Variants in ADGRG2 observed in about 807,000 individuals in gnomAD.
ADGRG2 encodes adhesion G protein-coupled receptor G2.
In ADGRG2, 26 loss-of-function variants were observed where a neutral mutation model predicts 74.1. The observed-to-expected ratio is 0.35, with a 90% CI of 0.26 to 0.49. The LOEUF (loss-of-function observed/expected upper bound fraction) is 0.49. ADGRG2 is among the 20% of genes least tolerant of loss of function. ADGRG2 has a pLI of 0.99. For synonymous variants in ADGRG2, 296 were observed against 295.2 expected, an observed-to-expected ratio of 1.00 and a Z score of -0.03; for missense variants, 619 against 763.1, an observed-to-expected ratio of 0.81 and a Z score of 2.22.
chrX:19,082,573 A>T (rs1200880773), intron 2 of ADGRG2, 129 bp downstream of exon 2: 1 of 111,202 alleles, frequency 9.0e-6, no homozygotes, highest in Non-Finnish European at 1.9e-5. Flanking sequence ...CAAAACAAAC[A>T]AAAAAGAATA....
At position 19,029,085 on chromosome X, in the gene ADGRG2, T is replaced by G. The variant is rs139732164; in HGVS notation, c.359-847A>C. Among the ~76,000 whole-genome samples, 976 of 111,771 alleles carry G rather than the reference T, an allele frequency of 8.7e-3. 11 individuals are homozygous for G. The highest frequency in any genetic ancestry group is 0.03 in the African/African-American group (920 of 30,781). The stretch of plus-strand genomic sequence containing the variant: ...GAAGGCCTCCTCTTCTCATCATCTT[T>G]TATTGTACCCCAAAGTACAACAACT... On this transcript the variant is annotated intron_variant, in intron 9 of 28. Transcript: ENST00000379869.
chrX:19,099,171 G>A (rs994348602), intron 1 of ADGRG2, among the ~76,000 whole-genome samples: 3 of 109,943 alleles, frequency 2.7e-5, no homozygotes, highest in East Asian at 2.8e-4. Flanking sequence ...GCGATAGAGC[G>A]AGACTCCATC....
chrX:19,039,000 C>T (rs1014395768), intron 4 of ADGRG2, among the ~76,000 whole-genome samples: 3 of 111,765 alleles, frequency 2.7e-5, no homozygotes, highest in South Asian at 3.8e-4. Context: ...CTCAAAAACT[C>T]GTAAAAATAA....
At position 19,010,413 on chromosome X, in the gene ADGRG2, G is replaced by A. The variant is rs960198454; in HGVS notation, c.1265+200C>T. On this transcript the variant is annotated intron_variant, in intron 17 of 28. Coordinates refer to ENST00000379869, the MANE Select transcript of ADGRG2 (RefSeq NM_001079858.3). ...TGGGATTATAGGCATGAGCCACAAT[G>A]TCTGGCCTCAAGGTTGGTAGTGTAG... Among the ~76,000 whole-genome samples, 43 of 111,891 alleles carry A rather than the reference G, an allele frequency of 3.8e-4. 1 individual carries two copies. The highest frequency in any genetic ancestry group is 1.2e-3 in the African/African-American group (38 of 30,846).
chrX:19,006,641 C>G (rs2060238462), intron 20 of ADGRG2, among the ~76,000 whole-genome samples: 2 of 110,449 alleles, frequency 1.8e-5, no homozygotes, highest in South Asian at 7.7e-4. Flanking sequence ...TTAGTGTGAA[C>G]TGAGCTGAGA....
intron 15 of ADGRG2, among the ~76,000 whole-genome samples, chrX:19,015,401 ACAGT>A (rs1215958333): frequency 3.6e-5 from 4 of 112,457 alleles, no homozygotes; most frequent in African/African-American, 1.3e-4. Context: ...AGGGTGTCAG[ACAGT>A]CAGAAACATC....
chrX:19,030,575 C>T lies in ADGRG2; in HGVS notation c.358+409G>A, dbSNP rs191994401. 2.7e-5 allele frequency among the ~76,000 whole-genome samples: 3 copies of T among 112,149 alleles called. No homozygotes were observed. In the East Asian group the frequency reaches 8.3e-4, roughly 31 times the overall value. ...CTGATCCGCTTTATTCTTAGCAAGA[C>T]GTTATCCTGTTTCTAAGCTCTAATA... is the stretch of plus-strand genomic sequence containing the variant. On this transcript the variant is annotated intron_variant, in intron 9 of 28. Coordinates refer to ENST00000379869, the MANE Select transcript of ADGRG2 (RefSeq NM_001079858.3).
chrX:19,019,548 A>AT (rs372068061), intron 15 of ADGRG2, 51 bp downstream of exon 15: 30,823 of 494,899 alleles, frequency 0.062, 126 homozygotes, highest in African/African-American at 0.1. Flanking sequence ...TAGCATGGTG[A>AT]TTTTTTTTTT....
At chrX:19,014,212 A>T in intron 15 of ADGRG2, 138 bp from the exon 16 acceptor site, 1 of 482,823 alleles carries the variant, frequency 2.1e-6, no homozygotes, top group Non-Finnish European at 3.4e-6. Flanking sequence ...AGCCTCTGCC[A>T]TTTCACACCC....
chrX:19,078,380 C>T (rs776060543), intron 2 of ADGRG2, among the ~76,000 whole-genome samples: 1 of 110,147 alleles, frequency 9.1e-6, no homozygotes, highest in Non-Finnish European at 1.9e-5. Flanking sequence ...TGGGACCCCC[C>T]CTCCATCTCT....
chrX:19,036,956 G>T, intron 6 of ADGRG2, among the ~76,000 whole-genome samples: 1 of 111,158 alleles, frequency 9.0e-6, no homozygotes, highest in East Asian at 2.8e-4. Flanking sequence ...GTACTGCTCT[G>T]CCCCCTTCCC....
Position 19,013,951 on chromosome X carries a change from A to G in ADGRG2, c.834T>C (p.Ser278=). 2.5e-6 allele frequency: 3 copies of G among 1,211,256 alleles called. No homozygotes were observed. The highest frequency in any genetic ancestry group is 3.4e-6 in the Non-Finnish European group (3 of 895,319). ...GTGAATAATCTGGAGGCTCAGCAAA[A>G]GAGGTAGCTTTGGGGACCTGGGAAA... The part of the protein sequence containing the change: ...TVLSQVPKAT[S]FAEPPDYSPV... Residue 278 remains serine (S), a synonymous_variant, in exon 16 of 29, where the codon TCT becomes TCC. Coordinates refer to ENST00000379869, the MANE Select transcript of ADGRG2 (RefSeq NM_001079858.3).
At chrX:19,090,709 T>G (rs1602097479) in intron 1 of ADGRG2, among the ~76,000 whole-genome samples, 1 of 50,526 alleles carries the variant, frequency 2.0e-5, no homozygotes, top group African/African-American at 2.6e-4. Flanking sequence ...GAATGATGTA[T>G]TTTTTTTTTG....
intron 3 of ADGRG2, among the ~76,000 whole-genome samples, chrX:19,059,418 T>C (rs937474208): frequency 9.0e-6 from 1 of 111,508 alleles, no homozygotes; most frequent in Non-Finnish European, 1.9e-5. Flanking sequence ...TGCTTTGAGC[T>C]TCAGTTTTCT....
chrX:19,030,964 T>C lies in ADGRG2; in HGVS notation c.358+20A>G. On this transcript the variant is annotated intron_variant, in intron 9 of 28. Transcript: ENST00000379869. ...TGGAGGAAATTTATCTGGTAATGTGTAATGTACACAAGAACTAACCTGAGT... is the reference window on the plus strand; with the variant it reads ...TGGAGGAAATTTATCTGGTAATGTGCAATGTACACAAGAACTAACCTGAGT... 1 of 1,072,016 alleles carries C rather than the reference T, an allele frequency of 9.3e-7. No homozygotes were observed. The highest frequency in any genetic ancestry group is 1.3e-6 in the Non-Finnish European group (1 of 771,459). 88.3% of individuals were successfully genotyped at this position (1,072,016 alleles called of 1,213,427 possible). A position where few individuals can be genotyped will look rare whatever the true frequency, so the allele number is the denominator to read the frequency against.
At chrX:19,012,933 T>G (rs2060388871) in intron 16 of ADGRG2, among the ~76,000 whole-genome samples, 1 of 111,709 alleles carries the variant, frequency 9.0e-6, no homozygotes, top group African/African-American at 3.3e-5. Context: ...TAAGCCCACT[T>G]TGGACCCTGG....
chrX:19,091,638 T>C (rs1416817867), intron 1 of ADGRG2, among the ~76,000 whole-genome samples: 1 of 111,983 alleles, frequency 8.9e-6, no homozygotes, highest in Non-Finnish European at 1.9e-5. Context: ...GCAGATCTTT[T>C]CTGCAAGGGT....
intron 2 of ADGRG2, among the ~76,000 whole-genome samples, chrX:19,072,709 T>C (rs972288636): frequency 6.3e-5 from 7 of 110,927 alleles, no homozygotes; most frequent in Non-Finnish European, 1.9e-5. Flanking sequence ...GAAAAAAATA[T>C]ATAGATCAAG....
Position 18,995,063 on chromosome X carries a change from G to T in ADGRG2, c.2717-15C>A. ...TTTACTCCAGTCTACAGCAGAATAA[G>T]CATTACAGAAAAACAGGGCAGTATG... is the stretch of plus-strand genomic sequence containing the variant. On this transcript the variant is annotated splice_polypyrimidine_tract_variant and intron_variant, in intron 27 of 28. Coordinates refer to ENST00000379869, the MANE Select transcript of ADGRG2 (RefSeq NM_001079858.3). 8.6e-7 allele frequency: 1 copy of T among 1,167,116 alleles called. No homozygotes were observed.
Sources: gnomAD v4.1 joint callset for allele counts (sites outside exome capture counted in the v4.1 genomes callset) on GRCh38, gnomAD v4.1.1 for gene constraint, MANE v1.5 for transcripts, NCBI Gene and HGNC (gene_info 2026-07-23, HGNC 2026-07-21) for gene names.